Variants in MAGI1 observed in about 807,000 individuals in gnomAD.
The protein encoded by MAGI1 is membrane associated guanylate kinase, WW and PDZ domain containing 1.
Under a neutral mutation model 139.9 loss-of-function variants are expected in MAGI1, and 58 were observed. That is an observed-to-expected ratio of 0.41 (90% CI 0.34 to 0.52). MAGI1 has a LOEUF of 0.52. Ranked by LOEUF, MAGI1 falls within the 20% of genes least tolerant of loss-of-function variation. MAGI1 has a pLI of 0.12. For synonymous variants in MAGI1, 812 were observed against 737.9 expected (o/e 1.10, Z -1.63); for missense variants, 1,874 against 1,901.6 (o/e 0.99, Z 0.27).
chr3:65,723,384 T>C (rs1285718322), intron 1 of MAGI1, among the ~76,000 whole-genome samples: 1 of 152,148 alleles, frequency 6.6e-6, no homozygotes, highest in Admixed American at 6.5e-5. Context: ...TGGAAGGTGT[T>C]AAGAGTTTCC....
intron 2 of MAGI1, among the ~76,000 whole-genome samples, chr3:65,527,336 T>C (rs1255531144): frequency 1.3e-5 from 2 of 152,188 alleles, no homozygotes; most frequent in Non-Finnish European, 2.9e-5. Context: ...TCCCAGCACT[T>C]TGGGAGGCTG....
chr3:65,569,263 T>C (rs1205778262), intron 2 of MAGI1, among the ~76,000 whole-genome samples: 2 of 152,202 alleles, frequency 1.3e-5, no homozygotes, highest in African/African-American at 4.8e-5. Flanking sequence ...AGAATTGTGG[T>C]TACCAGGGGC....
At chr3:65,509,394 C>G (rs1413378295) in intron 2 of MAGI1, among the ~76,000 whole-genome samples, 1 of 152,092 alleles carries the variant, frequency 6.6e-6, no homozygotes, top group East Asian at 1.9e-4. Context: ...TCTGAGGTAC[C>G]GGGTTTATCT....
At chr3:65,364,056 C>T (rs1450169618) in intron 20 of MAGI1, among the ~76,000 whole-genome samples, 1 of 150,998 alleles carries the variant, frequency 6.6e-6, no homozygotes, top group Non-Finnish European at 1.5e-5. Context: ...AAAGAAAGAA[C>T]CCAGCTGGGG....
At chr3:65,654,729 C>T (rs2085776029) in intron 1 of MAGI1, among the ~76,000 whole-genome samples, 1 of 152,134 alleles carries the variant, frequency 6.6e-6, no homozygotes, top group Non-Finnish European at 1.5e-5. Flanking sequence ...CCTCTACTCA[C>T]CCAGAAGCTG....
chr3:65,529,228 A>G (rs1257952336), intron 2 of MAGI1, among the ~76,000 whole-genome samples: 1 of 152,194 alleles, frequency 6.6e-6, no homozygotes, highest in African/African-American at 2.4e-5. Flanking sequence ...TTAGCATAAA[A>G]GTCATCATTT....
chr3:65,869,108 A>T (rs1224198940), intron 1 of MAGI1, among the ~76,000 whole-genome samples: 2 of 151,588 alleles, frequency 1.3e-5, no homozygotes, highest in African/African-American at 4.8e-5. Flanking sequence ...ACAAAAAATT[A>T]GCAGGGCGTG....
intron 1 of MAGI1, among the ~76,000 whole-genome samples, chr3:65,688,779 C>A (rs2088300367): frequency 6.6e-6 from 1 of 152,124 alleles, no homozygotes; most frequent in South Asian, 2.1e-4. Context: ...CCTGAAAACC[C>A]CTCTCTTAAC....
At chr3:65,631,257 C>G (rs1382372498) in intron 1 of MAGI1, among the ~76,000 whole-genome samples, 2 of 152,150 alleles carry the variant, frequency 1.3e-5, no homozygotes, top group South Asian at 4.1e-4. Context: ...AATGTTTGTG[C>G]TTAACTGGTA....
At chr3:65,789,076 G>A (rs1056735718) in intron 1 of MAGI1, among the ~76,000 whole-genome samples, 1 of 152,178 alleles carries the variant, frequency 6.6e-6, no homozygotes. Context: ...AGTTACTGAG[G>A]AGGCTAAGGC....
chr3:65,438,777 G>A (rs1559554111), intron 9 of MAGI1, among the ~76,000 whole-genome samples: 1 of 152,180 alleles, frequency 6.6e-6, no homozygotes, highest in Non-Finnish European at 1.5e-5. Flanking sequence ...ATTACATGAA[G>A]TTGAAATTAC....
At chr3:65,442,246 C>T (rs1296883641) in intron 8 of MAGI1, among the ~76,000 whole-genome samples, 1 of 152,056 alleles carries the variant, frequency 6.6e-6, no homozygotes, top group African/African-American at 2.4e-5. Flanking sequence ...GAACCTCAGG[C>T]AAGAGAGAAA....
chr3:65,374,313 C>CTTT (rs3072933), intron 18 of MAGI1, among the ~76,000 whole-genome samples: 1,725 of 94,970 alleles, frequency 0.018, 8 homozygotes, highest in Middle Eastern at 0.035. Context: ...ATCAACTTAA[C>CTTT]TTTTTTTTTT....
chr3:65,753,585 G>A (rs750321868), intron 1 of MAGI1, among the ~76,000 whole-genome samples: 1 of 151,756 alleles, frequency 6.6e-6, no homozygotes, highest in Non-Finnish European at 1.5e-5. Context: ...GCCAGTCGTG[G>A]TGGCACATGC....
intron 2 of MAGI1, chr3:65,620,049 C>T: frequency 1.1e-6 from 1 of 939,368 alleles, no homozygotes; most frequent in Non-Finnish European, 1.3e-6. Flanking sequence ...CCATTTAGCT[C>T]ACAGTCAGGT....
At chr3:65,644,126 A>G (rs894781132) in intron 1 of MAGI1, among the ~76,000 whole-genome samples, 1 of 152,150 alleles carries the variant, frequency 6.6e-6, no homozygotes, top group Non-Finnish European at 1.5e-5. Context: ...CTGGACTGTA[A>G]CAAGGTCTCA....
intron 1 of MAGI1, among the ~76,000 whole-genome samples, chr3:65,693,699 G>GTTTTTTTTT (rs777159174): frequency 9.7e-6 from 1 of 102,826 alleles, no homozygotes; most frequent in African/African-American, 3.6e-5. Flanking sequence ...ATTCAGAACA[G>GTTTTTTTTT]TTTTTTTTTG....
At chr3:65,693,848 G>A (rs1372302217) in intron 1 of MAGI1, among the ~76,000 whole-genome samples, 9 of 151,806 alleles carry the variant, frequency 5.9e-5, no homozygotes, top group Admixed American at 3.3e-4. Flanking sequence ...CTCAGCCCCC[G>A]AGCAGCTGGG....
intron 1 of MAGI1, among the ~76,000 whole-genome samples, chr3:65,911,268 T>G (rs1446188012): frequency 6.6e-6 from 1 of 151,906 alleles, no homozygotes; most frequent in African/African-American, 2.4e-5. Flanking sequence ...TTTAGACATT[T>G]TACTCAAACT....
Sources: allele counts gnomAD v4.1 joint callset (sites outside exome capture counted in the v4.1 genomes callset), GRCh38; gene constraint gnomAD v4.1.1; transcripts MANE v1.5; gene names NCBI Gene and HGNC (gene_info 2026-07-23, HGNC 2026-07-21).